Variants in SMAD9 observed in about 807,000 individuals in gnomAD.
SMAD9 encodes MAD homolog 9.
SMAD9 carries 36 observed loss-of-function variants against 46.1 expected under a neutral mutation model. That is an observed-to-expected ratio of 0.78 (90% CI 0.60 to 1.03). SMAD9 has a LOEUF of 1.03. SMAD9 is among the 50% of genes least tolerant of loss of function. The pLI, the probability that SMAD9 is intolerant of heterozygous loss-of-function variation, is 0.00. For missense variants in SMAD9, 572 were observed against 599.8 expected (o/e 0.95, Z 0.48); for synonymous variants, 245 against 237.1 (o/e 1.03, Z -0.31).
chr13:36,847,294 T>C lies in SMAD9; in HGVS notation c.*1382A>G, dbSNP rs571813878. 4.6e-5 allele frequency: 7 copies of C among 152,356 alleles called. No individual in the cohort carries two copies. In the South Asian group the frequency reaches 1.4e-3, roughly 32 times the overall value. The allele number at this position is 152,356 out of a possible 1,614,324, so 9.4% of individuals were successfully genotyped here. ...ACTGAAGTGCTGTCTGTTACAAGCA[T>C]AACTGCCATCTTAAATTGTACATTT... On this transcript the variant is annotated 3_prime_UTR_variant, in exon 7 of 7. Transcript: ENST00000379826.
At chr13:36,908,386 A>C (rs976225223) in intron 1 of SMAD9, among the ~76,000 whole-genome samples, 1 of 152,266 alleles carries the variant, frequency 6.6e-6, no homozygotes, top group African/African-American at 2.4e-5. Flanking sequence ...GAGCATTCTG[A>C]AAGAAGACAG....
intron 2 of SMAD9, among the ~76,000 whole-genome samples, chr13:36,875,389 T>C (rs2058336548): frequency 6.6e-6 from 1 of 152,212 alleles, no homozygotes; most frequent in Admixed American, 6.5e-5. Context: ...GGTTTTAAAC[T>C]AAAACTGCTA....
intron 1 of SMAD9, among the ~76,000 whole-genome samples, chr13:36,906,827 A>C (rs2058623653): frequency 6.6e-6 from 1 of 152,270 alleles, no homozygotes; most frequent in Non-Finnish European, 1.5e-5. Flanking sequence ...AAAATGGCTT[A>C]GCAGGTGTGG....
chr13:36,849,616 G>A (rs1229207620), intron 6 of SMAD9: 1 of 149,194 alleles, frequency 6.7e-6, no homozygotes, highest in Non-Finnish European at 1.5e-5. Context: ...CCCCTCCTAG[G>A]TGATCGCTCC....
chr13:36,892,996 A>G (rs2058500091), intron 1 of SMAD9, among the ~76,000 whole-genome samples: 1 of 144,496 alleles, frequency 6.9e-6, no homozygotes, highest in Non-Finnish European at 1.6e-5. Flanking sequence ...TCTTGTAGAA[A>G]ACTTAAATTT....
rs1407912647 is a variant in SMAD9, at chr13:36,872,829, T to C, written c.499A>G (p.Ser167Gly). ...LAKFRSASLH[S>G]EPLMPHNATY... is the part of the protein sequence containing the mutation. ...GCGTTGTGTGGCATGAGTGGCTCAC[T>C]GTGCAGGGAGGCGCTGCGGAACTTG... Residue 167 changes from serine to glycine, a missense_variant, in exon 3 of 7, where the codon AGT (serine) becomes GGT (glycine). By Grantham distance (56) the Ser-to-Gly change is moderately conservative. Coordinates refer to ENST00000379826, the MANE Select transcript of SMAD9 (RefSeq NM_001127217.3). 1 of 1,614,060 alleles carries C rather than the reference T, an allele frequency of 6.2e-7. No homozygotes were observed. Among genetic ancestry groups the C allele is most frequent in the Admixed American group, 1.7e-5 (1 of 59,996 alleles).
At chr13:36,883,697 G>A (rs546386006) in intron 1 of SMAD9, among the ~76,000 whole-genome samples, 1 of 152,304 alleles carries the variant, frequency 6.6e-6, no homozygotes, top group East Asian at 1.9e-4. Context: ...GTTGCAGTGA[G>A]TCATGATTGT....
rs751175223 is a variant in SMAD9 at position 36,853,617 on chromosome 13, G to T, written c.1062C>A (p.Ser354Arg). Residue 354 changes from serine to arginine, a missense_variant, in exon 6 of 7, where the codon AGC becomes AGA. Ser to Arg is a moderately radical substitution (Grantham distance 110). Coordinates refer to ENST00000379826, the MANE Select transcript of SMAD9 (RefSeq NM_001127217.3). Reference sequence around the variant, plus strand: ...TGCAGTTCCGGCTCTGCACAAAGATGCTGCTGTCACTCACGCACTCGGCAT... The same window carrying T: ...TGCAGTTCCGGCTCTGCACAAAGATTCTGCTGTCACTCACGCACTCGGCAT... Reference protein sequence around the residue: ...EVYAECVSDSSIFVQSRNCNY... With the variant: ...EVYAECVSDSRIFVQSRNCNY... The T allele has an allele frequency of 3.7e-6, 6 of 1,614,102 alleles. No individual in the cohort carries two copies. The South Asian group carries it at 6.6e-5, about 18-fold the overall frequency.
chr13:36,867,188 T>G, intron 4 of SMAD9, 85 bp downstream of exon 4: 2 of 911,276 alleles, frequency 2.2e-6, no homozygotes, highest in Non-Finnish European at 1.8e-6. Flanking sequence ...ACATTTCTGG[T>G]TTTCTTTTTT....
At chr13:36,869,144 G>A (rs747968395) in intron 3 of SMAD9, among the ~76,000 whole-genome samples, 5 of 152,048 alleles carry the variant, frequency 3.3e-5, no homozygotes, top group African/African-American at 9.7e-5. Flanking sequence ...AAATCAGTAC[G>A]GAGTTTCCGT....
intron 1 of SMAD9, among the ~76,000 whole-genome samples, chr13:36,881,137 T>A (rs1003233778): frequency 1.3e-5 from 2 of 152,216 alleles, no homozygotes; most frequent in Non-Finnish European, 2.9e-5. Flanking sequence ...CAGGAGATGT[T>A]CTTTCCCAGT....
In SMAD9 at chr13:36,902,054, T is replaced by A. The variant is rs1273511644; in HGVS notation, c.-187+18062A>T. ...TGTTTCTGGTATCCTAAGAATCTAT[T>A]GCCAAATTCAAGGTTATAAATATTT... On this transcript the variant is annotated intron_variant, in intron 1 of 6. Transcript: ENST00000379826. 3.3e-5 allele frequency among the ~76,000 whole-genome samples: 5 copies of A among 152,232 alleles called. No homozygotes were observed. The East Asian group carries it at 7.7e-4, about 23-fold the overall frequency.
At chr13:36,909,449 T>C (rs1447775472) in intron 1 of SMAD9, among the ~76,000 whole-genome samples, 1 of 152,236 alleles carries the variant, frequency 6.6e-6, no homozygotes, top group East Asian at 1.9e-4. Flanking sequence ...TGTAAGTTTC[T>C]AGTATTGCAA....
intron 3 of SMAD9, among the ~76,000 whole-genome samples, chr13:36,868,679 G>C (rs899040086): frequency 6.6e-6 from 1 of 152,084 alleles, no homozygotes; most frequent in African/African-American, 2.4e-5. Flanking sequence ...GTTACAGTGA[G>C]CTATGACTGT....
intron 5 of SMAD9, among the ~76,000 whole-genome samples, chr13:36,854,824 G>T (rs1469253417): frequency 2.0e-5 from 3 of 152,048 alleles, no homozygotes; most frequent in Non-Finnish European, 4.4e-5. Flanking sequence ...ATACCTCAGA[G>T]ATCTATTTCA....
rs191738973 is a variant in SMAD9, at chr13:36,847,689, C to T, written c.*987G>A. The T allele has an allele frequency of 3.9e-5, 6 of 152,316 alleles. No individual in the cohort carries two copies. The highest frequency in any genetic ancestry group is 3.9e-4 in the East Asian group (2 of 5,180). 9.4% of individuals were successfully genotyped at this position (152,316 alleles called of 1,614,324 possible). ...TTTGCCAAGAGGCAGGAAAACGTGGCGAAAGAGTGCCCTTCCCAGGAGACT... is the reference window on the plus strand; with the variant it reads ...TTTGCCAAGAGGCAGGAAAACGTGGTGAAAGAGTGCCCTTCCCAGGAGACT... On this transcript the variant is annotated 3_prime_UTR_variant, in exon 7 of 7. Transcript: ENST00000379826.
chr13:36,854,497 A>C (rs1383044981), intron 5 of SMAD9, among the ~76,000 whole-genome samples: 2 of 151,980 alleles, frequency 1.3e-5, no homozygotes, highest in African/African-American at 4.8e-5. Flanking sequence ...CCTCCTGAGT[A>C]GCTAGGATTA....
chr13:36,913,959 T>C lies in SMAD9; in HGVS notation c.-187+6157A>G, dbSNP rs138218437. Among the ~76,000 whole-genome samples the C allele has an allele frequency of 2.6e-5, 4 of 152,332 alleles. No individual in the cohort carries two copies. The East Asian group carries it at 7.7e-4, about 29-fold the overall frequency. ...ATCAATCACTGGTGGTCTTGCTTTA[T>C]GAACAAATGGTGTTCAATCCTGCAT... On this transcript the variant is annotated intron_variant, in intron 1 of 6. Transcript: ENST00000379826.
chr13:36,853,689 AAC>A lies in SMAD9; in HGVS notation c.1004-16_1004-15del, dbSNP rs2058095664. On this transcript the variant is annotated splice_polypyrimidine_tract_variant and intron_variant, in intron 5 of 6. Transcript: ENST00000379826. ...ACAAGTGCACACCTGCAGACACAAA[AAC>A]ACAGCCTTCCTTCACATGCCCTTTC... The A allele has an allele frequency of 3.1e-6, 5 of 1,613,632 alleles. No homozygotes were observed. In the African/African-American group the frequency reaches 6.7e-5, roughly 22 times the overall value.
Sources: gnomAD v4.1 joint callset for allele counts (sites outside exome capture counted in the v4.1 genomes callset) on GRCh38, gnomAD v4.1.1 for gene constraint, MANE v1.5 for transcripts, NCBI Gene and HGNC (gene_info 2026-07-23, HGNC 2026-07-21) for gene names.